CSNK1G3: variants seen among roughly 807,000 people sequenced by gnomAD.
CSNK1G3 encodes the protein casein kinase I isoform gamma-3.
In CSNK1G3, 23 loss-of-function variants were observed where a neutral mutation model predicts 64.3. The ratio of observed to expected loss-of-function variants is 0.36; its 90% CI spans 0.26 to 0.51. CSNK1G3 has a LOEUF of 0.51. CSNK1G3 is among the 20% of genes least tolerant of loss of function. CSNK1G3 has a pLI of 0.96. For missense variants in CSNK1G3, 357 were observed against 510.5 expected (o/e 0.70, Z 2.90); for synonymous variants, 158 against 162.2 (o/e 0.97, Z 0.20).
intron 1 of CSNK1G3, among the ~76,000 whole-genome samples, chr5:123,536,739 G>A (rs1780896708): frequency 1.3e-5 from 2 of 151,868 alleles, no homozygotes; most frequent in Non-Finnish European, 1.5e-5. Context: ...TTAAAAAAGT[G>A]GCATTAGAAG....
Position 123,562,891 on chromosome 5 carries a change from C to G in CSNK1G3, c.289+5327C>G, listed in dbSNP as rs1245072000. Among the ~76,000 whole-genome samples, 7 of 152,090 alleles carry G rather than the reference C, an allele frequency of 4.6e-5. No individual in the cohort carries two copies. In the South Asian group the frequency reaches 8.3e-4, roughly 18 times the overall value. ...GGTGGGCTTTAATTATTAGAATTAA[C>G]TCAGTTTCTTCATTTACTTGAAAGT... On this transcript the variant is annotated intron_variant, in intron 4 of 12. Coordinates refer to ENST00000345990, the Ensembl canonical transcript of CSNK1G3.
intron 3 of CSNK1G3, among the ~76,000 whole-genome samples, chr5:123,553,729 C>G (rs1328154873): frequency 6.6e-6 from 1 of 152,208 alleles, no homozygotes; most frequent in Non-Finnish European, 1.5e-5. Context: ...GCAGAGCGAT[C>G]TCTTTGGAAA....
intron 4 of CSNK1G3, among the ~76,000 whole-genome samples, chr5:123,567,327 G>C (rs889384350): frequency 6.6e-6 from 1 of 152,194 alleles, no homozygotes; most frequent in Admixed American, 6.5e-5. Context: ...AAGGCCAGGC[G>C]TGGTGGCTCA....
chr5:123,575,859 AG>A lies in CSNK1G3; in HGVS notation c.571del (p.Glu191AsnfsTer26). On this transcript the variant is annotated frameshift_variant, in exon 6 of 13. Transcript: ENST00000345990. LOFTEE classifies it high-confidence loss of function. ...CACATTATAGATTTTGGTTTGGCAA[AG>A]GAATATATTGATCCGGAGACAAAGA... 1 of 1,613,768 alleles carries A rather than the reference AG, an allele frequency of 6.2e-7. No homozygotes were observed. The highest frequency in any genetic ancestry group is 8.5e-7 in the Non-Finnish European group (1 of 1,179,744).
intron 5 of CSNK1G3, 131 bp downstream of exon 5, chr5:123,573,672 T>C (rs941250960): frequency 1.9e-5 from 13 of 683,920 alleles, no homozygotes; most frequent in African/African-American, 3.7e-5. Flanking sequence ...GTTTCTACTT[T>C]TCATGTTGTC....
chr5:123,539,018 A>G (rs1781265284), intron 1 of CSNK1G3, among the ~76,000 whole-genome samples: 2 of 152,086 alleles, frequency 1.3e-5, no homozygotes, highest in Non-Finnish European at 1.5e-5. Context: ...TTAAAAATGC[A>G]TTTTTGTAGA....
chr5:123,573,250 G>C lies in CSNK1G3; in HGVS notation c.290-143G>C, dbSNP rs1788474061. On this transcript the variant is annotated intron_variant, in intron 4 of 12. Coordinates refer to ENST00000345990, the Ensembl canonical transcript of CSNK1G3. The stretch of plus-strand genomic sequence containing the variant: ...AAGGTATTGGGAGGTTGGGAGGTTT[G>C]GTCAGGAAAAGTATGTATCTGGAAA... 7 of 794,556 alleles carry C rather than the reference G, an allele frequency of 8.8e-6. No individual in the cohort carries two copies. The South Asian group carries it at 1.0e-4, about 12-fold the overall frequency. 49.2% of individuals were successfully genotyped at this position (794,556 alleles called of 1,614,324 possible). A position where few individuals can be genotyped will look rare whatever the true frequency, so the allele number is the denominator to read the frequency against.
chr5:123,564,423 TAGAA>T (rs1242506551), intron 4 of CSNK1G3, among the ~76,000 whole-genome samples: 2 of 152,026 alleles, frequency 1.3e-5, no homozygotes, highest in South Asian at 2.1e-4. Context: ...AGTAAAAAGA[TAGAA>T]AGTATAAAAC....
At chr5:123,533,714 C>A (rs1008118069) in intron 1 of CSNK1G3, among the ~76,000 whole-genome samples, 1 of 151,776 alleles carries the variant, frequency 6.6e-6, no homozygotes, top group Non-Finnish European at 1.5e-5. Flanking sequence ...TTATACTTCT[C>A]AAAAGCCCTT....
intron 6 of CSNK1G3, among the ~76,000 whole-genome samples, chr5:123,581,235 A>T (rs1454885072): frequency 1.3e-5 from 2 of 151,468 alleles, no homozygotes; most frequent in Non-Finnish European, 3.0e-5. Context: ...TTATATGATT[A>T]CTATTATATA....
At chr5:123,554,569 C>T (rs537918591) in intron 3 of CSNK1G3, among the ~76,000 whole-genome samples, 175 of 152,286 alleles carry the variant, frequency 1.1e-3, no homozygotes, top group African/African-American at 3.9e-3. Context: ...CTGTGGGATC[C>T]GCCTGCCTCG....
rs1033478364 is a variant in CSNK1G3, at chr5:123,564,188, G to A, written c.289+6624G>A. On this transcript the variant is annotated intron_variant, in intron 4 of 12. Transcript: ENST00000345990. ...TTCTGTTAAAGTTGTAGTTTATGGA[G>A]AATGGGTACATTTAAAGAATGTTAT... 5.3e-5 allele frequency among the ~76,000 whole-genome samples: 8 copies of A among 151,966 alleles called. No individual in the cohort carries two copies. In the South Asian group the frequency reaches 1.7e-3, roughly 31 times the overall value.
At position 123,582,998 on chromosome 5, in the gene CSNK1G3, T is replaced by C. The variant is rs1325681846; in HGVS notation, c.674-5070T>C. On this transcript the variant is annotated intron_variant, in intron 6 of 12. Transcript: ENST00000345990. Reference sequence around the variant, plus strand: ...CTAGCTAATATTTATGGCTTGAATTTTGAAATGCTTTGTGGGTTATGAGAC... The same window carrying C: ...CTAGCTAATATTTATGGCTTGAATTCTGAAATGCTTTGTGGGTTATGAGAC... Among the ~76,000 whole-genome samples, 3 of 152,228 alleles carry C rather than the reference T, an allele frequency of 2.0e-5. No homozygotes were observed. The East Asian group carries it at 5.8e-4, about 29-fold the overall frequency.
At chr5:123,588,272 T>C (rs936335106) in intron 7 of CSNK1G3, 119 bp downstream of exon 7, 1 of 1,026,346 alleles carries the variant, frequency 9.7e-7, no homozygotes, top group Non-Finnish European at 1.5e-6. Flanking sequence ...GCATCAGGGC[T>C]CCCTGTGTTG....
intron 10 of CSNK1G3, among the ~76,000 whole-genome samples, chr5:123,602,965 T>C (rs57149365): frequency 0.24 from 36,568 of 152,086 alleles, 4,492 homozygotes; most frequent in Middle Eastern, 0.37. Flanking sequence ...CATTTCATAC[T>C]TGAGAACACT....
chr5:123,585,118 T>C (rs1791065597), intron 6 of CSNK1G3, among the ~76,000 whole-genome samples: 1 of 152,172 alleles, frequency 6.6e-6, no homozygotes, highest in African/African-American at 2.4e-5. Flanking sequence ...TGAAGGCAGA[T>C]ACAGATAAGT....
intron 10 of CSNK1G3, among the ~76,000 whole-genome samples, chr5:123,594,011 A>C (rs1273258760): frequency 1.3e-5 from 2 of 152,104 alleles, no homozygotes; most frequent in East Asian, 3.9e-4. Flanking sequence ...TATTATTGGA[A>C]GAGCATTATG....
exon 9 of CSNK1G3, chr5:123,590,516 A>T (rs544703761): frequency 2.0e-6 from 3 of 1,537,338 alleles, no homozygotes; most frequent in South Asian, 2.6e-5. Context: ...ATCGAAAAGG[A>T]TATATGTTTG....
intron 6 of CSNK1G3, among the ~76,000 whole-genome samples, chr5:123,579,809 G>T (rs1789905557): frequency 6.6e-6 from 1 of 151,876 alleles, no homozygotes; most frequent in South Asian, 2.1e-4. Context: ...AGCAAACAAC[G>T]AATGCTTAAT....
Sources: allele counts gnomAD v4.1 joint callset (sites outside exome capture counted in the v4.1 genomes callset), GRCh38; gene constraint gnomAD v4.1.1; transcripts MANE v1.5; gene names NCBI Gene and HGNC (gene_info 2026-07-23, HGNC 2026-07-21).